The following SRFBP1 variants were observed in gnomAD, a reference collection of about 807,000 sequenced individuals.
The protein encoded by SRFBP1 is serum response factor-binding protein 1.
In SRFBP1, 47 loss-of-function variants were observed where a neutral mutation model predicts 45.5. That is an observed-to-expected ratio of 1.03 (90% CI 0.82 to 1.32). The LOEUF is 1.32. Among genes scored for constraint, SRFBP1 ranks in the 40% most tolerant of loss-of-function variants. SRFBP1 has a pLI of 0.00. For missense variants in SRFBP1, 621 were observed against 484.6 expected, an observed-to-expected ratio of 1.28 and a Z score of -2.64; for synonymous variants, 203 against 166.3, an observed-to-expected ratio of 1.22 and a Z score of -1.70.
intron 2 of SRFBP1, among the ~76,000 whole-genome samples, chr5:122,055,999 C>T (rs967090062): frequency 3.3e-5 from 5 of 152,172 alleles, no homozygotes; most frequent in African/African-American, 9.7e-5. Context: ...TAACCACTTT[C>T]TTCAGGACTC....
At chr5:121,994,564 C>A (rs773372273) in intron 3 of SRFBP1, 35 bp from the exon 4 acceptor site, 3 of 1,402,606 alleles carry the variant, frequency 2.1e-6, no homozygotes, top group South Asian at 1.2e-5. Context: ...AAAATAGACA[C>A]ATAACTAAAA....
intron 2 of SRFBP1, among the ~76,000 whole-genome samples, chr5:122,068,826 AAATG>A (rs1286727113): frequency 6.6e-6 from 1 of 152,126 alleles, no homozygotes; most frequent in African/African-American, 2.4e-5. Flanking sequence ...ATGAATAAAT[AAATG>A]GAGAATGGAT....
At chr5:122,026,021 T>C (rs10060448) in intron 7 of SRFBP1, among the ~76,000 whole-genome samples, 47,293 of 151,976 alleles carry the variant, frequency 0.31, 10,595 homozygotes, top group African/African-American at 0.64. Context: ...ACCTGGGAGG[T>C]GGAGGTTGCA....
At chr5:122,040,095 T>C (rs945222519) in intron 2 of SRFBP1, among the ~76,000 whole-genome samples, 4 of 152,150 alleles carry the variant, frequency 2.6e-5, no homozygotes, top group Non-Finnish European at 4.4e-5. Flanking sequence ...TTACAAATAA[T>C]TTTTTAATCA....
intron 2 of SRFBP1, among the ~76,000 whole-genome samples, chr5:122,035,200 G>C (rs1375811873): frequency 6.6e-6 from 1 of 152,022 alleles, no homozygotes; most frequent in Non-Finnish European, 1.5e-5. Flanking sequence ...AAGGGTCCTA[G>C]TGGAGATTTG....
chr5:121,974,150 C>T (rs1011170596), intron 1 of SRFBP1, 46 bp from the exon 2 acceptor site: 37 of 1,336,448 alleles, frequency 2.8e-5, no homozygotes, highest in Non-Finnish European at 3.7e-5. Context: ...TGTGTTTGTT[C>T]CTGAAGTAAG....
intron 2 of SRFBP1, among the ~76,000 whole-genome samples, chr5:122,037,466 A>G (rs970026675): frequency 2.1e-4 from 32 of 151,932 alleles, no homozygotes; most frequent in African/African-American, 7.3e-4. Flanking sequence ...TTCCTCTTGT[A>G]TTTTTATAGC....
rs1580531872 is a variant in SRFBP1, at chr5:122,022,461, G to C, written c.1105+54G>C. 2.0e-6 allele frequency: 3 copies of C among 1,493,272 alleles called. No homozygotes were observed. In the South Asian group the frequency reaches 3.7e-5, roughly 19 times the overall value. The allele number at this position is 1,493,272 out of a possible 1,614,324, so 92.5% of individuals were successfully genotyped here. A position where few individuals can be genotyped will look rare whatever the true frequency, so the allele number is the denominator to read the frequency against. On this transcript the variant is annotated intron_variant, in intron 7 of 7. Transcript: ENST00000339397. ...TATGCAATTAAGCTATGTTTTACCA[G>C]AGTAAAAGAATGAGAAATTGTTGTT... is the stretch of plus-strand genomic sequence containing the variant.
chr5:122,042,400 G>A (rs1402159179), intron 2 of SRFBP1, among the ~76,000 whole-genome samples: 1 of 152,078 alleles, frequency 6.6e-6, no homozygotes, highest in East Asian at 1.9e-4. Context: ...CTAAGTAGCT[G>A]TGACTACAGA....
At chr5:122,023,736 A>G (rs1561596025) in intron 7 of SRFBP1, among the ~76,000 whole-genome samples, 1 of 152,168 alleles carries the variant, frequency 6.6e-6, no homozygotes, top group Non-Finnish European at 1.5e-5. Flanking sequence ...AAGATTGTAC[A>G]AAGTTCAGCA....
At chr5:122,059,983 G>A (rs747941614) in intron 2 of SRFBP1, among the ~76,000 whole-genome samples, 1 of 151,988 alleles carries the variant, frequency 6.6e-6, no homozygotes, top group African/African-American at 2.4e-5. Context: ...CTCCTTTTTG[G>A]AACTCCAGTG....
At chr5:121,983,026 G>A (rs557975001) in intron 3 of SRFBP1, among the ~76,000 whole-genome samples, 1 of 151,806 alleles carries the variant, frequency 6.6e-6, no homozygotes, top group Admixed American at 6.6e-5. Context: ...TATGGTGCTT[G>A]AGAAAAGAGT....
intron 4 of SRFBP1, among the ~76,000 whole-genome samples, chr5:121,998,992 C>T (rs1752796713): frequency 6.6e-6 from 1 of 152,054 alleles, no homozygotes; most frequent in African/African-American, 2.4e-5. Context: ...TTTGTTTTTA[C>T]TTTCATTGAT....
chr5:122,020,500 AGAG>A lies in SRFBP1; in HGVS notation c.769_771del (p.Glu257del). The A allele has an allele frequency of 1.2e-6, 2 of 1,614,154 alleles. No homozygotes were observed. Among genetic ancestry groups the A allele is most frequent in the Non-Finnish European group, 1.7e-6 (2 of 1,180,006 alleles). ...GTGATGGCGGAGAAGAATTTTGTGA[AGAG>A]GAGAAGGAATATTTTGATGATAGCA... On this transcript the variant is annotated inframe_deletion, in exon 6 of 8. Coordinates refer to ENST00000339397, the MANE Select transcript of SRFBP1 (RefSeq NM_152546.3).
rs190665142 is a variant in SRFBP1 at position 122,052,489 on chromosome 5, A to G, written n.312-22826A>G. Among the ~76,000 whole-genome samples the G allele has an allele frequency of 4.9e-3, 741 of 152,174 alleles. 1 individual carries two copies. The highest frequency in any genetic ancestry group is 7.6e-3 in the Non-Finnish European group (519 of 68,006). ...TATTTTTGTCTGACTGAATTATTTCAGAGTGCCAGTCTTCGAGTCCTGAGA... is the reference window on the plus strand; with the variant it reads ...TATTTTTGTCTGACTGAATTATTTCGGAGTGCCAGTCTTCGAGTCCTGAGA... On this transcript the variant is annotated intron_variant and non_coding_transcript_variant, in intron 2 of 2. Coordinates refer to the SRFBP1 transcript ENST00000504881.
At chr5:122,029,061 C>T (rs955973991), downstream of SRFBP1, among the ~76,000 whole-genome samples, 5 of 151,646 alleles carry the variant, frequency 3.3e-5, no homozygotes, top group African/African-American at 1.2e-4. Context: ...TGGTTCTCGA[C>T]TTGGAGTGAT....
chr5:121,963,949 A>C (rs1315487741), intron 1 of SRFBP1, among the ~76,000 whole-genome samples: 2 of 152,218 alleles, frequency 1.3e-5, no homozygotes, highest in Non-Finnish European at 2.9e-5. Flanking sequence ...ACTAGAAAAA[A>C]AAAATACAGC....
chr5:122,025,006 AACGTGC>A lies in SRFBP1; in HGVS notation c.1106-1934_1106-1929del, dbSNP rs201991815. 4.1e-3 allele frequency among the ~76,000 whole-genome samples: 618 copies of A among 152,200 alleles called. 15 individuals are homozygous for A. The East Asian group carries it at 0.052, about 13-fold the overall frequency. Reference sequence around the variant, plus strand: ...TTTAAGTTTTAGAGTACATGTGCACAACGTGCAGATTTGTTACATATGTATACATGT... The same window carrying A: ...TTTAAGTTTTAGAGTACATGTGCACAAGATTTGTTACATATGTATACATGT... On this transcript the variant is annotated intron_variant, in intron 7 of 7. Transcript: ENST00000339397.
chr5:121,963,556 A>AAAC (rs1247923844), intron 1 of SRFBP1, among the ~76,000 whole-genome samples: 1 of 152,164 alleles, frequency 6.6e-6, no homozygotes, highest in Non-Finnish European at 1.5e-5. Context: ...TTCTTCTTCA[A>AAAC]AACAGTTAAA....
Sources: gnomAD v4.1 joint callset for allele counts (sites outside exome capture counted in the v4.1 genomes callset) on GRCh38, gnomAD v4.1.1 for gene constraint, MANE v1.5 for transcripts, NCBI Gene and HGNC (gene_info 2026-07-23, HGNC 2026-07-21) for gene names.